Variants in HRH4 observed in about 807,000 individuals in gnomAD.
The protein encoded by HRH4 is histamine receptor H4, also known as histamine H4 receptor.
Under a neutral mutation model 10.4 loss-of-function variants are expected in HRH4, and 12 were observed. That is an observed-to-expected ratio of 1.15 (90% CI 0.74 to 1.87). The LOEUF (loss-of-function observed/expected upper bound fraction) is 1.87. HRH4 is among the 40% of genes most tolerant of loss of function. The pLI, the probability that HRH4 is intolerant of heterozygous loss-of-function variation, is 0.00. For synonymous variants in HRH4, 154 were observed against 166.6 expected (o/e 0.92, Z 0.58); for missense variants, 415 against 453.3 (o/e 0.92, Z 0.77).
At chr18:24,472,339 C>T (rs1266388067) in intron 2 of HRH4, among the ~76,000 whole-genome samples, 1 of 152,212 alleles carries the variant, frequency 6.6e-6, no homozygotes, top group Admixed American at 6.5e-5. Context: ...AATCACCATG[C>T]CCGGCCTGTT....
intron 1 of HRH4, among the ~76,000 whole-genome samples, chr18:24,467,819 C>A (rs979443528): frequency 6.6e-6 from 1 of 152,170 alleles, no homozygotes; most frequent in African/African-American, 2.4e-5. Flanking sequence ...GCTGGGATTA[C>A]AGGTGTGGGC....
intron 1 of HRH4, among the ~76,000 whole-genome samples, chr18:24,463,988 G>A (rs568251692): frequency 2.6e-5 from 4 of 152,274 alleles, no homozygotes; most frequent in African/African-American, 7.2e-5. Context: ...ACATGACCAT[G>A]TGACAGATGG....
At chr18:24,466,331 C>G (rs1331620452) in intron 1 of HRH4, among the ~76,000 whole-genome samples, 1 of 145,646 alleles carries the variant, frequency 6.9e-6, no homozygotes, top group Admixed American at 7.1e-5. Flanking sequence ...CCATGTTGCC[C>G]AGGCTGGTCT....
chr18:24,477,514 A>G lies in HRH4; in HGVS notation c.1125A>G (p.Ile375Met). 6.2e-7 allele frequency: 1 copy of G among 1,605,748 alleles called. No individual in the cohort carries two copies. Among genetic ancestry groups the G allele is most frequent in the Non-Finnish European group, 8.5e-7 (1 of 1,175,858 alleles). ...AGGCTTTCTTGAAAATATTTTGTAT[A>G]AAAAAGCAACCTCTACCATCACAAC... ...FQKAFLKIFC[I>M]KKQPLPSQHS... Residue 375 changes from isoleucine (I) to methionine (M), a missense_variant, in exon 3 of 3, where the codon ATA becomes ATG. Ile to Met is a conservative substitution (Grantham distance 10). Coordinates refer to ENST00000256906, the MANE Select transcript of HRH4 (RefSeq NM_021624.4).
At position 24,477,298 on chromosome 18, in the gene HRH4, G is replaced by A. The variant is rs532935260; in HGVS notation, c.909G>A (p.Lys303=). Residue 303 remains lysine (K), a synonymous_variant, in exon 3 of 3, where the codon AAG becomes AAA. Coordinates refer to ENST00000256906, the MANE Select transcript of HRH4 (RefSeq NM_021624.4). The part of the protein sequence containing the change: ...VELLRARRLA[K]SLAILLGVFA... ...TGCTTAGAGCCAGGAGATTAGCCAA[G>A]TCACTGGCCATTCTCTTAGGGGTTT... 1 of 1,614,194 alleles carries A rather than the reference G, an allele frequency of 6.2e-7. No individual in the cohort carries two copies. The highest frequency in any genetic ancestry group is 1.1e-5 in the South Asian group (1 of 91,082).
chr18:24,477,418 A>C lies in HRH4; in HGVS notation c.1029A>C (p.Ala343=). ...TGPKSVWYRI[A]FWLQWFNSFV... Reference sequence around the variant, plus strand: ...CTAAATCAGTTTGGTATAGAATTGCATTTTGGCTTCAGTGGTTCAATTCCT... The same window carrying C: ...CTAAATCAGTTTGGTATAGAATTGCCTTTTGGCTTCAGTGGTTCAATTCCT... Residue 343 remains alanine (A), a synonymous_variant, in exon 3 of 3, where the codon GCA becomes GCC. Coordinates refer to ENST00000256906, the MANE Select transcript of HRH4 (RefSeq NM_021624.4). 3 of 1,614,144 alleles carry C rather than the reference A, an allele frequency of 1.9e-6. No homozygotes were observed. Among genetic ancestry groups the C allele is most frequent in the Non-Finnish European group, 2.5e-6 (3 of 1,180,010 alleles).
intron 2 of HRH4, among the ~76,000 whole-genome samples, chr18:24,471,154 T>G (rs944619484): frequency 6.6e-6 from 1 of 151,958 alleles, no homozygotes; most frequent in Admixed American, 6.6e-5. Flanking sequence ...CACTGCAGTT[T>G]GTATTGTATG....
At chr18:24,473,180 C>T (rs896693283) in intron 2 of HRH4, among the ~76,000 whole-genome samples, 4 of 151,802 alleles carry the variant, frequency 2.6e-5, no homozygotes, top group South Asian at 2.1e-4. Flanking sequence ...AAAAAGTATA[C>T]AGAATTAAGA....
rs1910221727 is a variant in HRH4, at chr18:24,478,809, A to G, written c.*1247A>G. 6.6e-6 allele frequency: 1 copy of G among 152,224 alleles called. No individual in the cohort carries two copies. Among genetic ancestry groups the G allele is most frequent in the African/African-American group, 2.4e-5 (1 of 41,454 alleles). The allele number at this position is 152,224 out of a possible 1,614,324, so 9.4% of individuals were successfully genotyped here. A position where few individuals can be genotyped will look rare whatever the true frequency, so the allele number is the denominator to read the frequency against. ...TGCCTTGGCCTCCCAAGTATGTAGG[A>G]CTACAGGTACTCGCCACCACACCTG... On this transcript the variant is annotated 3_prime_UTR_variant, in exon 3 of 3. Transcript: ENST00000256906.
chr18:24,466,401 G>A (rs1318861947), intron 1 of HRH4, among the ~76,000 whole-genome samples: 2 of 151,452 alleles, frequency 1.3e-5, no homozygotes. Context: ...GGAATTACAG[G>A]CATGAGCCAC....
chr18:24,474,145 A>G (rs1338077907), intron 2 of HRH4, among the ~76,000 whole-genome samples: 2 of 152,206 alleles, frequency 1.3e-5, no homozygotes, highest in Admixed American at 1.3e-4. Flanking sequence ...ACCAAGGCTG[A>G]GCAGAGCAAT....
chr18:24,469,935 C>T (rs1393083608), intron 2 of HRH4, among the ~76,000 whole-genome samples: 3 of 152,050 alleles, frequency 2.0e-5, no homozygotes, highest in South Asian at 2.1e-4. Context: ...CTCAGGTAGG[C>T]CCCGGTATCT....
chr18:24,477,531 C>T lies in HRH4; in HGVS notation c.1142C>T (p.Pro381Leu), dbSNP rs550963133. The T allele has an allele frequency of 6.3e-7, 1 of 1,596,768 alleles. No individual in the cohort carries two copies. The highest frequency in any genetic ancestry group is 1.8e-5 in the Admixed American group (1 of 56,436). Residue 381 changes from proline (P) to leucine (L), a missense_variant, in exon 3 of 3, where the codon CCA (proline) becomes CTA (leucine). Physicochemically the swap from Pro to Leu is moderately conservative, Grantham distance 98. Transcript: ENST00000256906. The part of the protein sequence containing the change: ...KIFCIKKQPL[P>L]SQHSRSVSS ...TTTTGTATAAAAAAGCAACCTCTAC[C>T]ATCACAACACAGTCGGTCAGTATCT...
Position 24,476,744 on chromosome 18 carries a change from T to C in HRH4, c.358-3T>C. 1 of 1,606,876 alleles carries C rather than the reference T, an allele frequency of 6.2e-7. No homozygotes were observed. ...ATATTGAAAATAATTTGGTTTCTTCTAGGTGTCTTATAGAACTCAACATAC... is the reference window on the plus strand; with the variant it reads ...ATATTGAAAATAATTTGGTTTCTTCCAGGTGTCTTATAGAACTCAACATAC... On this transcript the variant is annotated splice_region_variant and splice_polypyrimidine_tract_variant and intron_variant, in intron 2 of 2. Coordinates refer to ENST00000256906, the MANE Select transcript of HRH4 (RefSeq NM_021624.4).
At chr18:24,470,501 ATTTTTTTT>A (rs200257355) in intron 2 of HRH4, among the ~76,000 whole-genome samples, 2 of 129,858 alleles carry the variant, frequency 1.5e-5, no homozygotes, top group Admixed American at 8.0e-5. Context: ...TTGTTTCTCT[ATTTTTTTT>A]TTTTTTTTTT....
intron 1 of HRH4, among the ~76,000 whole-genome samples, chr18:24,463,455 C>G (rs1316649461): frequency 6.6e-6 from 1 of 152,228 alleles, no homozygotes; most frequent in Non-Finnish European, 1.5e-5. Context: ...TCTGGCAGTG[C>G]TGTTCTTTCT....
Position 24,479,135 on chromosome 18 carries a change from AT to A in HRH4, c.*1586del, listed in dbSNP as rs1050514380. 117 of 145,562 alleles carry A rather than the reference AT, an allele frequency of 8.0e-4. No individual in the cohort carries two copies. Among genetic ancestry groups the A allele is most frequent in the Admixed American group, 8.2e-4 (12 of 14,550 alleles). 9.0% of individuals were successfully genotyped at this position (145,562 alleles called of 1,614,324 possible). On this transcript the variant is annotated 3_prime_UTR_variant, in exon 3 of 3. Transcript: ENST00000256906. Reference sequence around the variant, plus strand: ...GTTTTGCCATTTTGGTCAGGCTGGAATTTTTTTTTTTTTAATTTTGATAAGA... The same window carrying A: ...GTTTTGCCATTTTGGTCAGGCTGGAATTTTTTTTTTTTAATTTTGATAAGA...
In HRH4 at chr18:24,477,898, A is replaced by C. The variant is rs1011126063; in HGVS notation, c.*336A>C. On this transcript the variant is annotated 3_prime_UTR_variant, in exon 3 of 3. Transcript: ENST00000256906. ...CTCTTTTTTAATTTTATCGTAATAG[A>C]AACTTATCCAGTTTGAAAATCATTC... 5.5e-6 allele frequency: 1 copy of C among 180,692 alleles called. No homozygotes were observed. The highest frequency in any genetic ancestry group is 2.4e-3 in the Middle Eastern group (1 of 424). 11.2% of individuals were successfully genotyped at this position (180,692 alleles called of 1,614,324 possible).
At chr18:24,463,550 G>A (rs935039613) in intron 1 of HRH4, among the ~76,000 whole-genome samples, 3 of 152,210 alleles carry the variant, frequency 2.0e-5, no homozygotes, top group Non-Finnish European at 4.4e-5. Context: ...GAACTCGTGA[G>A]AGGTTTTCTG....
Sources: gnomAD v4.1 joint callset for allele counts (sites outside exome capture counted in the v4.1 genomes callset) on GRCh38, gnomAD v4.1.1 for gene constraint, MANE v1.5 for transcripts, NCBI Gene and HGNC (gene_info 2026-07-23, HGNC 2026-07-21) for gene names.